The following RREB1 variants were observed in gnomAD, a reference collection of about 807,000 sequenced individuals.
The protein encoded by RREB1 is ras responsive element binding protein 1.
A neutral mutation model predicts 117.8 loss-of-function variants in RREB1; 27 were observed. The observed-to-expected ratio is 0.23, with a 90% CI of 0.17 to 0.32. The LOEUF (loss-of-function observed/expected upper bound fraction) is 0.32. Among genes scored for constraint, RREB1 ranks in the 10% least tolerant of loss-of-function variants. The probability of loss-of-function intolerance (pLI) is 1.00; values close to 1 mark genes in which losing one functional copy is unlikely to be tolerated. For missense variants in RREB1, 2,577 were observed against 2,378.2 expected, an observed-to-expected ratio of 1.08 and a Z score of -1.74; for synonymous variants, 1,298 against 1,026.7, an observed-to-expected ratio of 1.26 and a Z score of -5.05.
At chr6:7,168,070 G>C (rs892435666) in intron 1 of RREB1, among the ~76,000 whole-genome samples, 1 of 151,946 alleles carries the variant, frequency 6.6e-6, no homozygotes, top group African/African-American at 2.4e-5. Flanking sequence ...AGACCAGCCT[G>C]TTCAACAAAA....
In RREB1 at chr6:7,217,494, A is replaced by T. The variant is rs561395990; in HGVS notation, c.707+5785A>T. 1.7e-4 allele frequency: 26 copies of T among 152,320 alleles called. No individual in the cohort carries two copies. The East Asian group carries it at 5.0e-3, about 29-fold the overall frequency. The allele number at this position is 152,320 out of a possible 1,614,324, so 9.4% of individuals were successfully genotyped here. On this transcript the variant is annotated intron_variant, in intron 8 of 12. Transcript: ENST00000379938. ...CAGGCATTAAGGATGTGTGGGTCAC[A>T]TAAGGAGCCAGGGCATCTGCAAATA...
intron 1 of RREB1, among the ~76,000 whole-genome samples, chr6:7,149,286 T>G (rs1370652482): frequency 6.6e-6 from 1 of 152,178 alleles, no homozygotes; most frequent in East Asian, 1.9e-4. Flanking sequence ...TAAAATGTCA[T>G]GGATTTTTAA....
chr6:7,206,546 C>G (rs907591898), intron 6 of RREB1, among the ~76,000 whole-genome samples: 4 of 152,224 alleles, frequency 2.6e-5, no homozygotes, highest in East Asian at 1.9e-4. Context: ...CACCAGGGCT[C>G]GTGCAGAGAA....
At chr6:7,121,977 C>T (rs909596763) in intron 1 of RREB1, among the ~76,000 whole-genome samples, 2 of 152,132 alleles carry the variant, frequency 1.3e-5, no homozygotes, top group African/African-American at 4.8e-5. Context: ...TTTCTGCTTC[C>T]CGAGGGAAGG....
chr6:7,169,097 TACTTATAGCA>T (rs1259942120), intron 1 of RREB1, among the ~76,000 whole-genome samples: 1 of 152,264 alleles, frequency 6.6e-6, no homozygotes, highest in African/African-American at 2.4e-5. Context: ...TGTTTTCTGT[TACTTATAGCA>T]ACATTCTTTT....
chr6:7,210,302 T>C (rs1766512509), intron 6 of RREB1, among the ~76,000 whole-genome samples: 1 of 152,214 alleles, frequency 6.6e-6, no homozygotes, highest in South Asian at 2.1e-4. Context: ...GGACATTTGC[T>C]CTGTTAGCAT....
Position 7,229,433 on chromosome 6 carries a change from G to T in RREB1, c.1334G>T (p.Gly445Val). 6.2e-7 allele frequency: 1 copy of T among 1,614,168 alleles called. No individual in the cohort carries two copies. The highest frequency in any genetic ancestry group is 8.5e-7 in the Non-Finnish European group (1 of 1,180,038). ...CTGTCCCTGCAGCCCTTCCAGAAGG[G>T]CTTCATCATCCAGCCTGACAGCAGC... ...KHLSLQPFQK[G>V]FIIQPDSSIV... The change falls in exon 10 of 13, where the codon GGC becomes GTC. Residue 445 changes from glycine (G) to valine (V), a missense_variant. Coordinates refer to ENST00000379938, the MANE Select transcript of RREB1 (RefSeq NM_001003699.4). This position sits in a 1 kb window ranked among gnomAD's most constrained non-coding sequence, Gnocchi z 4.5.
At position 7,229,687 on chromosome 6, in the gene RREB1, G is replaced by T. The variant is rs2113107384; in HGVS notation, c.1588G>T (p.Ala530Ser). 1 of 1,610,494 alleles carries T rather than the reference G, an allele frequency of 6.2e-7. No homozygotes were observed. Among genetic ancestry groups the T allele is most frequent in the East Asian group, 2.2e-5 (1 of 44,832 alleles). ...ATSTPPPLIN[A>S]QQASPGCISP... ...CTCCACGCCCCCGCCTCTCATCAAC[G>T]CCCAGCAGGCTTCCCCGGGCTGTAT... Residue 530 changes from alanine (A) to serine (S), a missense_variant, in exon 10 of 13, where the codon GCC becomes TCC. Transcript: ENST00000379938. This position sits in a 1 kb window ranked among gnomAD's most constrained non-coding sequence, Gnocchi z 4.5.
chr6:7,208,135 T>C (rs1224319745), intron 6 of RREB1, among the ~76,000 whole-genome samples: 3 of 152,162 alleles, frequency 2.0e-5, no homozygotes, highest in African/African-American at 7.2e-5. Context: ...AAATCAACCC[T>C]GAGAGAAAGA....
Position 7,174,332 on chromosome 6 carries a change from C to CT in RREB1, c.-284-2323_-284-2322insT, listed in dbSNP as rs1396677376. ...TATATTGCAAGACATTCTCAATATT[C>CT]AAATCATTTACACCCAAGGGCAAGA... On this transcript the variant is annotated intron_variant, in intron 1 of 12. Transcript: ENST00000379938. 3.3e-5 allele frequency among the ~76,000 whole-genome samples: 5 copies of CT among 152,178 alleles called. No homozygotes were observed. In the East Asian group the frequency reaches 9.7e-4, roughly 29 times the overall value.
intron 2 of RREB1, among the ~76,000 whole-genome samples, chr6:7,178,969 C>T (rs1240529863): frequency 6.6e-6 from 1 of 152,166 alleles, no homozygotes; most frequent in Non-Finnish European, 1.5e-5. Context: ...GTTAACTATA[C>T]TGACTGTTGC....
At chr6:7,195,011 T>G (rs1765597650) in intron 6 of RREB1, among the ~76,000 whole-genome samples, 1 of 152,172 alleles carries the variant, frequency 6.6e-6, no homozygotes, top group Admixed American at 6.5e-5. Flanking sequence ...TGCAAAGCAC[T>G]TGGGGTAGTG....
intron 1 of RREB1, among the ~76,000 whole-genome samples, chr6:7,108,444 A>G (rs1442244098): frequency 6.6e-6 from 1 of 151,406 alleles, no homozygotes; most frequent in Non-Finnish European, 1.5e-5. Context: ...GCGCATCCAT[A>G]TTAGCCGTCC....
intron 1 of RREB1, among the ~76,000 whole-genome samples, chr6:7,174,729 C>T (rs1185258761): frequency 1.3e-5 from 2 of 152,196 alleles, no homozygotes; most frequent in African/African-American, 4.8e-5. Context: ...CTGCCTCAGT[C>T]TCCCAGGTAG....
chr6:7,210,931 C>A lies in RREB1; in HGVS notation c.553C>A (p.Pro185Thr), dbSNP rs115318121. ...SHDAESEREDPAPAKKMVEDG... is the reference protein window; with the variant it reads ...SHDAESEREDTAPAKKMVEDG... Reference sequence around the variant, plus strand: ...CGATGCCGAGTCAGAGAGAGAAGACCCAGCACCAGCTAAAAAGGTCCTCTT... The same window carrying A: ...CGATGCCGAGTCAGAGAGAGAAGACACAGCACCAGCTAAAAAGGTCCTCTT... Residue 185 changes from proline to threonine, a missense_variant, in exon 7 of 13, where the codon CCA becomes ACA. Pro to Thr is a conservative substitution (Grantham distance 38). Transcript: ENST00000379938. 278 of 1,613,756 alleles carry A rather than the reference C, an allele frequency of 1.7e-4. No individual in the cohort carries two copies. In the African/African-American group the frequency reaches 3.0e-3, roughly 18 times the overall value.
chr6:7,183,006 A>C (rs1231468087), intron 4 of RREB1: 1 of 152,168 alleles, frequency 6.6e-6, no homozygotes, highest in Non-Finnish European at 1.5e-5. Context: ...GAGTATTAAT[A>C]TGATGGTTTT....
chr6:7,239,715 G>A (rs1323626086), intron 10 of RREB1, among the ~76,000 whole-genome samples: 1 of 152,212 alleles, frequency 6.6e-6, no homozygotes, highest in East Asian at 1.9e-4. Context: ...ACATAGTTAC[G>A]TATTGGTCAC....
At chr6:7,132,871 C>T (rs1458532753) in intron 1 of RREB1, among the ~76,000 whole-genome samples, 3 of 152,140 alleles carry the variant, frequency 2.0e-5, no homozygotes, top group Non-Finnish European at 4.4e-5. Context: ...CATGTGCCCT[C>T]ATTTTGGGTA....
chr6:7,178,695 G>A (rs1561763992), intron 2 of RREB1, among the ~76,000 whole-genome samples: 1 of 152,146 alleles, frequency 6.6e-6, no homozygotes, highest in Non-Finnish European at 1.5e-5. Flanking sequence ...AAACAGTGTA[G>A]CTATGAGTTT....
Sources: allele counts gnomAD v4.1 joint callset (sites outside exome capture counted in the v4.1 genomes callset), GRCh38; gene constraint gnomAD v4.1.1; non-coding constraint Gnocchi (gnomAD v3.1); transcripts MANE v1.5; gene names NCBI Gene and HGNC (gene_info 2026-07-23, HGNC 2026-07-21).